The following OTC variants were observed in gnomAD, a reference collection of about 807,000 sequenced individuals.
The protein encoded by OTC is ornithine transcarbamylase, also known as ornithine transcarbamylase, mitochondrial.
Under a neutral mutation model 30.3 loss-of-function variants are expected in OTC, and 3 were observed. The observed-to-expected ratio is 0.10, with a 90% CI of 0.05 to 0.26. OTC has a LOEUF of 0.26. OTC is among the 10% of genes least tolerant of loss of function. The pLI is 1.00. For missense variants in OTC, 194 were observed against 260.3 expected (o/e 0.75, Z 1.75); for synonymous variants, 111 against 99.7 (o/e 1.11, Z -0.67).
chrX:38,387,980 G>A (rs937643815), intron 4 of OTC, among the ~76,000 whole-genome samples: 8 of 111,625 alleles, frequency 7.2e-5, no homozygotes, highest in African/African-American at 2.6e-4. Context: ...TGGGAATGGT[G>A]GGAACCCTCC....
intron 1 of OTC, among the ~76,000 whole-genome samples, chrX:38,365,623 C>T (rs757004632): frequency 1.8e-5 from 2 of 112,425 alleles, no homozygotes; most frequent in Non-Finnish European, 3.8e-5. Context: ...GTGCCTCCTC[C>T]CCCATGAAGG....
At chrX:38,411,725 A>T in intron 8 of OTC, 137 bp from the exon 9 acceptor site, 1 of 622,124 alleles carries the variant, frequency 1.6e-6, no homozygotes, top group East Asian at 3.3e-5. Flanking sequence ...TTGAGATAAA[A>T]CCATCACTCT....
upstream of OTC, among the ~76,000 whole-genome samples, chrX:38,350,451 A>G: frequency 9.0e-6 from 1 of 111,723 alleles, no homozygotes; most frequent in East Asian, 2.8e-4. Context: ...TAGAGGAATC[A>G]TGGGGTCAAC....
At chrX:38,381,477 GATAAATTTCAAAAATAAAACATAATTCTC>G (rs2068376781) in intron 4 of OTC, 48 bp downstream of exon 4, 1 of 818,049 alleles carries the variant, frequency 1.2e-6, no homozygotes, top group Non-Finnish European at 1.8e-6. Flanking sequence ...GAATCTGATG[GATAAATTTCAAAAATAAAACATAATTCTC>G]TTTAAATAAT....
At position 38,392,255 on chromosome X, in the gene OTC, TTGTC is replaced by T. The variant is rs2068432674; in HGVS notation, c.387-9017_387-9014del. On this transcript the variant is annotated intron_variant, in intron 4 of 9. Transcript: ENST00000039007. ...TACCATTGTTGGCTAATGCCAAAGA[TTGTC>T]TGCAGAGCTGTAAGAATGCACTGGA... 2.7e-5 allele frequency among the ~76,000 whole-genome samples: 3 copies of T among 112,380 alleles called. No individual in the cohort carries two copies. The Admixed American group carries it at 2.8e-4, about 11-fold the overall frequency.
At chrX:38,377,417 G>A (rs2068354023) in intron 3 of OTC, among the ~76,000 whole-genome samples, 1 of 110,959 alleles carries the variant, frequency 9.0e-6, no homozygotes, top group South Asian at 3.8e-4. Flanking sequence ...AAAAGCAAGA[G>A]CAAACCAAAC....
At chrX:38,386,386 A>ATAT (rs148645078) in intron 4 of OTC, among the ~76,000 whole-genome samples, 1,593 of 88,868 alleles carry the variant, frequency 0.018, 16 homozygotes, top group South Asian at 0.026. Flanking sequence ...AAAAAAAAAA[A>ATAT]ATATATATAT....
rs776037689 is a variant in OTC at position 38,359,097 on chromosome X, C to T, written c.77+6324C>T. ...AGAACCAAAGTATCAGTGTAGTCCA[C>T]TATTACTGTACTTCCATTTCAGCCT... On this transcript the variant is annotated intron_variant, in intron 1 of 9. Coordinates refer to ENST00000039007, the MANE Select transcript of OTC (RefSeq NM_000531.6). Among the ~76,000 whole-genome samples, 4 of 112,078 alleles carry T rather than the reference C, an allele frequency of 3.6e-5. No homozygotes were observed. The South Asian group carries it at 1.5e-3, about 42-fold the overall frequency.
chrX:38,401,381 G>A lies in OTC; in HGVS notation c.493G>A (p.Asp165Asn). The change falls in exon 5 of 10, where the codon GAT (aspartate) becomes AAT (asparagine). Residue 165 changes from aspartate to asparagine, a missense_variant. By Grantham distance (23) the Asp-to-Asn change is conservative (BLOSUM62 1). Transcript: ENST00000039007. ...CATCCCAATTATCAATGGGCTGTCA[G>A]ATTTGTACCATCCTATCCAGATCCT... Reference protein sequence around the residue: ...ASIPIINGLSDLYHPIQILAD... With the variant: ...ASIPIINGLSNLYHPIQILAD... 8.3e-7 allele frequency: 1 copy of A among 1,207,105 alleles called. No homozygotes were observed. The highest frequency in any genetic ancestry group is 1.1e-6 in the Non-Finnish European group (1 of 891,239).
chrX:38,355,810 G>GACC (rs1486345444), intron 1 of OTC, among the ~76,000 whole-genome samples: 1 of 112,160 alleles, frequency 8.9e-6, no homozygotes, highest in Admixed American at 9.4e-5. Context: ...GCCGAGGTGG[G>GACC]TGGATCACCT....
intron 1 of OTC, among the ~76,000 whole-genome samples, chrX:38,365,573 T>G (rs940713557): frequency 8.9e-6 from 1 of 112,289 alleles, no homozygotes; most frequent in Non-Finnish European, 1.9e-5. Flanking sequence ...GGTTGGAAAT[T>G]AGAAGATAAT....
intron 4 of OTC, among the ~76,000 whole-genome samples, chrX:38,399,550 A>G (rs1200669167): frequency 9.0e-6 from 1 of 110,678 alleles, no homozygotes; most frequent in Non-Finnish European, 1.9e-5. Flanking sequence ...GGAGTTTGAG[A>G]CCAGCCTGGC....
chrX:38,378,422 C>A (rs1276516860), intron 3 of OTC, among the ~76,000 whole-genome samples: 1 of 108,052 alleles, frequency 9.3e-6, no homozygotes, highest in African/African-American at 3.4e-5. Flanking sequence ...TCTGTCTCTC[C>A]CCATTTGAAA....
rs928465195 is a variant in OTC, at chrX:38,381,222, G to C, written c.299-120G>C. ...CTTTGCATGGGAATTCTGTATCAGA[G>C]AAGTTGGAGAGCTTTAAAGATTTTG... On this transcript the variant is annotated intron_variant, in intron 3 of 9. Transcript: ENST00000039007. 7 of 493,749 alleles carry C rather than the reference G, an allele frequency of 1.4e-5. No individual in the cohort carries two copies. In the African/African-American group the frequency reaches 1.7e-4, roughly 12 times the overall value. 40.7% of individuals were successfully genotyped at this position (493,749 alleles called of 1,213,427 possible).
chrX:38,414,147 G>T (rs895017267), intron 9 of OTC, among the ~76,000 whole-genome samples: 1 of 111,925 alleles, frequency 8.9e-6, no homozygotes, highest in African/African-American at 3.3e-5. Flanking sequence ...GACAATTGAA[G>T]TTACAAAGAT....
intron 4 of OTC, among the ~76,000 whole-genome samples, chrX:38,386,601 G>A (rs1345558879): frequency 9.0e-6 from 1 of 110,538 alleles, no homozygotes; most frequent in Non-Finnish European, 1.9e-5. Flanking sequence ...AATGTTCTCC[G>A]CGTTCGTTCG....
At chrX:38,332,944 C>T in the OTC span, among the ~76,000 whole-genome samples, 6 of 111,261 alleles carry the variant, frequency 5.4e-5, no homozygotes, top group South Asian at 1.9e-3. Flanking sequence ...TCAGGCTGGG[C>T]GCAGTGGCTT....
Position 38,362,642 on chromosome X carries a change from CA to C in OTC, c.78-4646del, listed in dbSNP as rs1373940926. Among the ~76,000 whole-genome samples, 8 of 112,157 alleles carry C rather than the reference CA, an allele frequency of 7.1e-5. No homozygotes were observed. In the East Asian group the frequency reaches 2.2e-3, roughly 31 times the overall value. Reference sequence around the variant, plus strand: ...ATAGAAACAGCAGCATCTCACAATGCAAACCCACAGCAGAACATTAACCCTA... The same window carrying C: ...ATAGAAACAGCAGCATCTCACAATGCAACCCACAGCAGAACATTAACCCTA... On this transcript the variant is annotated intron_variant, in intron 1 of 9. Transcript: ENST00000039007.
chrX:38,392,189 T>G (rs1405657860), intron 4 of OTC, among the ~76,000 whole-genome samples: 1 of 112,640 alleles, frequency 8.9e-6, no homozygotes, highest in East Asian at 2.8e-4. Flanking sequence ...TGTGGGAAAC[T>G]TTAAATTTGA....
Sources: gnomAD v4.1 joint callset for allele counts (sites outside exome capture counted in the v4.1 genomes callset) on GRCh38, gnomAD v4.1.1 for gene constraint, MANE v1.5 for transcripts, NCBI Gene and HGNC (gene_info 2026-07-23, HGNC 2026-07-21) for gene names.